Variants in STAU2 observed in about 807,000 individuals in gnomAD.
STAU2 encodes the protein double-stranded RNA-binding protein Staufen homolog 2.
In STAU2, 20 loss-of-function variants were observed where a neutral mutation model predicts 65.9. The ratio of observed to expected loss-of-function variants is 0.30; its 90% confidence interval spans 0.21 to 0.44. STAU2 has a LOEUF of 0.44. Ranked by LOEUF, STAU2 falls within the 20% of genes least tolerant of loss-of-function variation. The pLI is 1.00. For missense variants in STAU2, 558 were observed against 683.9 expected (o/e 0.82, Z 2.05); for synonymous variants, 232 against 233.9 (o/e 0.99, Z 0.07).
chr8:73,623,390 T>C (rs1813405191), intron 6 of STAU2, among the ~76,000 whole-genome samples: 1 of 152,216 alleles, frequency 6.6e-6, no homozygotes, highest in African/African-American at 2.4e-5. Context: ...TTTTTACAAA[T>C]TGAAAAATAA....
intron 5 of STAU2, among the ~76,000 whole-genome samples, chr8:73,680,038 G>C (rs1321624072): frequency 8.2e-6 from 1 of 121,512 alleles, no homozygotes; most frequent in African/African-American, 3.3e-5. Flanking sequence ...GGGGAAGGCA[G>C]TCAGTGGAAC....
intron 13 of STAU2, among the ~76,000 whole-genome samples, chr8:73,496,465 TG>T (rs1208651716): frequency 6.6e-6 from 1 of 151,668 alleles, no homozygotes; most frequent in Non-Finnish European, 1.5e-5. Context: ...TCACAAAGCC[TG>T]GGTCTGAGTA....
At chr8:73,549,917 T>C in intron 13 of STAU2, 1 of 985,810 alleles carries the variant, frequency 1.0e-6, no homozygotes, top group Non-Finnish European at 1.2e-6. Flanking sequence ...AGAAACAATC[T>C]ACATGTTTTT....
intron 5 of STAU2, among the ~76,000 whole-genome samples, chr8:73,687,080 A>T (rs1475222404): frequency 6.8e-6 from 1 of 146,728 alleles, no homozygotes; most frequent in African/African-American, 2.5e-5. Context: ...TTTAGTAGAG[A>T]CGGGGTTTCA....
At chr8:73,550,330 T>C (rs1219795996) in intron 13 of STAU2, 1 of 983,310 alleles carries the variant, frequency 1.0e-6, no homozygotes, top group Admixed American at 6.1e-5. Context: ...AGTGAAGATA[T>C]GTTAAAATTA....
At chr8:73,430,544 C>T (rs1047077917) in intron 13 of STAU2, among the ~76,000 whole-genome samples, 2 of 152,150 alleles carry the variant, frequency 1.3e-5, no homozygotes, top group African/African-American at 4.8e-5. Context: ...CAGGATCATG[C>T]CAATACCTGT....
At position 73,595,210 on chromosome 8, in the gene STAU2, G is replaced by A. The variant is rs945649296; in HGVS notation, c.1117C>T (p.Leu373Phe). ...KNAAEAMLLQ[L>F]GYKASTNLQD... The stretch of plus-strand genomic sequence containing the variant: ...AGATTAGTGGATGCTTTATAACCAA[G>A]TTGTAACAGCATTGCTTCTGCAGCA... Residue 373 changes from leucine (L) to phenylalanine (F), a missense_variant, in exon 11 of 15, where the codon CTT becomes TTT. This residue lies in a region of STAU2 where 247 missense variants were observed against 270.1 expected (regional missense o/e 0.91). Coordinates refer to ENST00000524300, the MANE Select transcript of STAU2 (RefSeq NM_001164380.2). 1.2e-6 allele frequency: 2 copies of A among 1,610,672 alleles called. No individual in the cohort carries two copies. The highest frequency in any genetic ancestry group is 1.7e-6 in the Non-Finnish European group (2 of 1,178,802).
In STAU2 at chr8:73,602,059, C is replaced by T. The variant is rs74691707; in HGVS notation, c.1029+1667G>A. ...AGAGAATTCCCCTCTTTTTGGATATCTGGGTTCCCAGGAGTGACTTATCTA... is the reference window on the plus strand; with the variant it reads ...AGAGAATTCCCCTCTTTTTGGATATTTGGGTTCCCAGGAGTGACTTATCTA... On this transcript the variant is annotated intron_variant, in intron 10 of 14. Coordinates refer to ENST00000524300, the MANE Select transcript of STAU2 (RefSeq NM_001164380.2). 1.4e-4 allele frequency among the ~76,000 whole-genome samples: 21 copies of T among 152,192 alleles called. No individual in the cohort carries two copies. The East Asian group carries it at 3.9e-3, about 28-fold the overall frequency.
chr8:73,574,165 T>G (rs1432882384), intron 12 of STAU2, among the ~76,000 whole-genome samples: 3 of 152,232 alleles, frequency 2.0e-5, no homozygotes, highest in Admixed American at 2.0e-4. Context: ...ATGCTCATCA[T>G]CACTGGCCAT....
chr8:73,456,021 A>AT (rs1352138737), intron 13 of STAU2, among the ~76,000 whole-genome samples: 1 of 152,210 alleles, frequency 6.6e-6, no homozygotes, highest in Non-Finnish European at 1.5e-5. Context: ...GTCTAGACCC[A>AT]TGTCAGAAAG....
chr8:73,682,833 ACAC>A (rs1234807847), intron 5 of STAU2, among the ~76,000 whole-genome samples: 2 of 152,300 alleles, frequency 1.3e-5, no homozygotes, highest in Admixed American at 6.5e-5. Context: ...GCTACTATGA[ACAC>A]CTTTACACAC....
intron 3 of STAU2, among the ~76,000 whole-genome samples, chr8:73,721,091 G>A (rs1821625318): frequency 7.3e-6 from 1 of 136,828 alleles, no homozygotes; most frequent in Non-Finnish European, 1.5e-5. Flanking sequence ...ACCAACCTGG[G>A]CAACACAGTA....
Position 73,673,089 on chromosome 8 carries a change from C to CA in STAU2, c.410+17dup. The stretch of plus-strand genomic sequence containing the variant: ...ATAAAATAATAATTAAGAACAAAAC[C>CA]AAAAAAGACATACAAACCTCTGATT... On this transcript the variant is annotated intron_variant, in intron 6 of 14. Transcript: ENST00000524300. 6.5e-7 allele frequency: 1 copy of CA among 1,528,140 alleles called. No individual in the cohort carries two copies. Among genetic ancestry groups the CA allele is most frequent in the Non-Finnish European group, 8.8e-7 (1 of 1,138,228 alleles). The allele number at this position is 1,528,140 out of a possible 1,614,324, so 94.7% of individuals were successfully genotyped here.
intron 3 of STAU2, among the ~76,000 whole-genome samples, chr8:73,713,973 G>A (rs1448147473): frequency 6.6e-6 from 1 of 151,898 alleles, no homozygotes; most frequent in Non-Finnish European, 1.5e-5. Context: ...GCGCGATCTC[G>A]GCTCACTGCA....
At chr8:73,718,187 T>C (rs1821387294) in intron 3 of STAU2, among the ~76,000 whole-genome samples, 1 of 152,218 alleles carries the variant, frequency 6.6e-6, no homozygotes, top group South Asian at 2.1e-4. Context: ...AGACTTCTTG[T>C]TTAGTATGTA....
intron 12 of STAU2, among the ~76,000 whole-genome samples, chr8:73,574,574 T>C (rs890376111): frequency 2.0e-5 from 3 of 151,944 alleles, no homozygotes; most frequent in Admixed American, 6.6e-5. Context: ...TACTATGCAG[T>C]CATAAAAAAA....
At position 73,617,420 on chromosome 8, in the gene STAU2, C is replaced by T. The variant is rs780129911; in HGVS notation, c.442G>A (p.Val148Ile). 1 of 1,613,712 alleles carries T rather than the reference C, an allele frequency of 6.2e-7. No homozygotes were observed. The highest frequency in any genetic ancestry group is 8.5e-7 in the Non-Finnish European group (1 of 1,179,872). The change falls in exon 7 of 15, where the codon GTT (valine) becomes ATT (isoleucine). Residue 148 changes from valine to isoleucine, a missense_variant. By Grantham distance (29) the Val-to-Ile change is conservative. Coordinates refer to ENST00000524300, the MANE Select transcript of STAU2 (RefSeq NM_001164380.2). Reference protein sequence around the residue: ...YHCPVPKIFYVQLTVGNNEFF... With the variant: ...YHCPVPKIFYIQLTVGNNEFF... ...TCATTATTTCCTACAGTGAGCTGAACATAAAAGATCTTAGGCACTGGGCAA... is the reference window on the plus strand; with the variant it reads ...TCATTATTTCCTACAGTGAGCTGAATATAAAAGATCTTAGGCACTGGGCAA...
At chr8:73,526,678 T>A (rs1805478696) in intron 13 of STAU2, among the ~76,000 whole-genome samples, 1 of 152,216 alleles carries the variant, frequency 6.6e-6, no homozygotes, top group Non-Finnish European at 1.5e-5. Flanking sequence ...TATGTCTACT[T>A]ACTCTGACTC....
intron 13 of STAU2, chr8:73,438,999 C>T (rs747408648): frequency 1.5e-5 from 7 of 456,622 alleles, no homozygotes; most frequent in South Asian, 3.1e-5. Context: ...GGTTCCTCAA[C>T]GTCTCCGTTT....
Sources: allele counts gnomAD v4.1 joint callset (sites outside exome capture counted in the v4.1 genomes callset), GRCh38; gene constraint gnomAD v4.1.1; regional missense constraint gnomAD v4.1.1; transcripts MANE v1.5; gene names NCBI Gene and HGNC (gene_info 2026-07-23, HGNC 2026-07-21).